MAP4: variants seen among roughly 807,000 people sequenced by gnomAD.
MAP4 encodes microtubule associated protein 4.
In MAP4, 76 loss-of-function variants were observed where a neutral mutation model predicts 170.2. The observed-to-expected ratio is 0.45, with a 90% CI of 0.37 to 0.54. MAP4 has a LOEUF of 0.54. Among genes scored for constraint, MAP4 ranks in the 20% least tolerant of loss-of-function variants. The pLI is 0.00. For missense variants in MAP4, 2,506 were observed against 2,748.0 expected (o/e 0.91, Z 1.97); for synonymous variants, 909 against 994.5 (o/e 0.91, Z 1.62).
intron 1 of MAP4, among the ~76,000 whole-genome samples, chr3:48,011,456 G>C (rs1019178315): frequency 5.3e-5 from 8 of 151,998 alleles, no homozygotes; most frequent in African/African-American, 1.9e-4. Context: ...AGGAGGCTGA[G>C]GCAGGAAAAT....
chr3:47,970,977 T>C (rs979996273), intron 3 of MAP4, among the ~76,000 whole-genome samples: 9 of 152,214 alleles, frequency 5.9e-5, no homozygotes, highest in African/African-American at 2.2e-4. Context: ...TTGTAGTCCA[T>C]GAGCTGGTTT....
chr3:47,922,106 C>T (rs1345961279), intron 4 of MAP4, among the ~76,000 whole-genome samples: 1 of 152,058 alleles, frequency 6.6e-6, no homozygotes, highest in Admixed American at 6.6e-5. Flanking sequence ...CGCCACCATG[C>T]CTGGCTAATT....
chr3:48,004,799 A>T (rs979449422), intron 1 of MAP4, among the ~76,000 whole-genome samples: 1 of 152,128 alleles, frequency 6.6e-6, no homozygotes, highest in Non-Finnish European at 1.5e-5. Flanking sequence ...TTTTGCCAGA[A>T]GGAACAGCTT....
At chr3:47,900,378 G>A (rs914295861) in intron 10 of MAP4, among the ~76,000 whole-genome samples, 1 of 152,156 alleles carries the variant, frequency 6.6e-6, no homozygotes, top group African/African-American at 2.4e-5. Flanking sequence ...CAAACAGACA[G>A]AATGAATAAG....
chr3:47,853,018 C>G (rs1408063294), intron 20 of MAP4, 80 bp from the exon 21 acceptor site: 1 of 1,614,074 alleles, frequency 6.2e-7, no homozygotes, highest in Non-Finnish European at 8.5e-7. Context: ...GAAGACGAGA[C>G]CAGAATGTCA....
chr3:47,854,223 C>T (rs887678371), intron 19 of MAP4, among the ~76,000 whole-genome samples: 18 of 152,206 alleles, frequency 1.2e-4, no homozygotes, highest in African/African-American at 2.4e-4. Context: ...CACGCTCGCT[C>T]GCTGTGTCCT....
At chr3:47,883,353 T>C (rs758853762) in intron 10 of MAP4, among the ~76,000 whole-genome samples, 11 of 152,052 alleles carry the variant, frequency 7.2e-5, no homozygotes, top group Non-Finnish European at 1.3e-4. Flanking sequence ...CCTTCCTGAG[T>C]AGCTGGGATT....
chr3:47,872,809 G>A (rs1275304944), intron 12 of MAP4, among the ~76,000 whole-genome samples: 1 of 152,148 alleles, frequency 6.6e-6, no homozygotes, highest in Non-Finnish European at 1.5e-5. Context: ...AAATACTAAT[G>A]TATTTAATGT....
upstream of MAP4, among the ~76,000 whole-genome samples, chr3:48,017,925 G>C (rs1453221140): frequency 6.6e-6 from 1 of 152,178 alleles, no homozygotes; most frequent in Non-Finnish European, 1.5e-5. Context: ...GGGTGAGAGG[G>C]AGGAGATGGT....
At chr3:48,082,215 C>T (rs1250857663) in intron 1 of MAP4, among the ~76,000 whole-genome samples, 4 of 152,102 alleles carry the variant, frequency 2.6e-5, no homozygotes, top group South Asian at 4.1e-4. Flanking sequence ...ATATAATCAA[C>T]GCTGCCGCAG....
chr3:48,085,181 G>A (rs1252537520), intron 1 of MAP4, among the ~76,000 whole-genome samples: 3 of 137,748 alleles, frequency 2.2e-5, no homozygotes, highest in South Asian at 2.2e-4. Flanking sequence ...AACTACTCAC[G>A]CTTAATCTTT....
chr3:48,045,431 A>G lies in MAP4; in HGVS notation c.-20+43342T>C, dbSNP rs182361630. 2.6e-3 allele frequency among the ~76,000 whole-genome samples: 403 copies of G among 152,228 alleles called. 1 individual carries two copies. The highest frequency in any genetic ancestry group is 8.8e-3 in the African/African-American group (365 of 41,544). ...ACATCAGTCGTGGCATTAGATTCTC[A>G]TAAGAGCACAAACCCTACTGTGAAC... On this transcript the variant is annotated intron_variant, in intron 1 of 18. Transcript: ENST00000360240.
At chr3:47,966,851 A>T (rs1007321105) in intron 3 of MAP4, among the ~76,000 whole-genome samples, 1 of 152,160 alleles carries the variant, frequency 6.6e-6, no homozygotes, top group Non-Finnish European at 1.5e-5. Flanking sequence ...TCTCCCTTTA[A>T]GTCAATACCA....
chr3:47,912,388 T>A lies in MAP4; in HGVS notation c.2033A>T (p.Gln678Leu). The change falls in exon 9 of 21, where the codon CAA becomes CTA. Residue 678 changes from glutamine (Q) to leucine (L), a missense_variant. By Grantham distance (113) the Gln-to-Leu change is moderately radical. Transcript: ENST00000683076. The part of the protein sequence containing the change: ...NFMYCGTPPT[Q>L]AKQVCRPSDR... The stretch of plus-strand genomic sequence containing the variant: ...ACTGGGTCTGCAAACTTGTTTGGCT[T>A]GTGTGGGAGGGGTACCGCAATACAT... The A allele has an allele frequency of 6.6e-7, 1 of 1,521,824 alleles. No homozygotes were observed. The highest frequency in any genetic ancestry group is 8.8e-7 in the Non-Finnish European group (1 of 1,137,348). 94.3% of individuals were successfully genotyped at this position (1,521,824 alleles called of 1,614,324 possible).
intron 3 of MAP4, among the ~76,000 whole-genome samples, chr3:47,972,100 C>T (rs917898618): frequency 1.3e-5 from 2 of 152,148 alleles, no homozygotes; most frequent in African/African-American, 4.8e-5. Context: ...ACTAAAATGT[C>T]TGCCAAGCTT....
rs188293391 is a variant in MAP4 at position 47,926,433 on chromosome 3, C to T, written c.415+1795G>A. Among the ~76,000 whole-genome samples the T allele has an allele frequency of 4.0e-3, 614 of 152,256 alleles. 6 individuals carry two copies. The highest frequency in any genetic ancestry group is 0.014 in the African/African-American group (595 of 41,538). On this transcript the variant is annotated intron_variant, in intron 4 of 20. Coordinates refer to ENST00000683076, the MANE Select transcript of MAP4 (RefSeq NM_001385682.1). The stretch of plus-strand genomic sequence containing the variant: ...TCCTGACCTCAGGTGATCCGCCTGC[C>T]TCGGCCTCCCAAAGTGCTGGGATTA...
chr3:48,002,403 T>TA (rs1041219792), intron 1 of MAP4, among the ~76,000 whole-genome samples: 2 of 150,634 alleles, frequency 1.3e-5, no homozygotes, highest in African/African-American at 4.9e-5. Context: ...CTACAAAAAC[T>TA]AAAAAAAAAT....
chr3:47,863,601 C>T (rs2072648283), intron 17 of MAP4, among the ~76,000 whole-genome samples: 1 of 152,082 alleles, frequency 6.6e-6, no homozygotes, highest in Non-Finnish European at 1.5e-5. Context: ...TCTATGAGAG[C>T]CTGCAGGCAC....
rs551317387 is a variant in MAP4 at position 47,950,587 on chromosome 3, A to C, written c.293-22237T>G. Among the ~76,000 whole-genome samples, 703 of 152,306 alleles carry C rather than the reference A, an allele frequency of 4.6e-3. 4 individuals are homozygous for C. Among genetic ancestry groups the C allele is most frequent in the Non-Finnish European group, 7.4e-3 (505 of 68,024 alleles). On this transcript the variant is annotated intron_variant, in intron 3 of 20. Transcript: ENST00000683076. The stretch of plus-strand genomic sequence containing the variant: ...GACTCGAGTAAATTATGTTTAAAAA[A>C]AAAAACCAAAAACAAATTTCAGCTG...
Sources: allele counts gnomAD v4.1 joint callset (sites outside exome capture counted in the v4.1 genomes callset), GRCh38; gene constraint gnomAD v4.1.1; transcripts MANE v1.5; gene names NCBI Gene and HGNC (gene_info 2026-07-23, HGNC 2026-07-21).